PML: variants seen among roughly 807,000 people sequenced by gnomAD.
PML encodes protein PML.
In PML, 28 loss-of-function variants were observed where a neutral mutation model predicts 65.2. The observed-to-expected ratio is 0.43, with a 90% CI of 0.32 to 0.59. The LOEUF is 0.59. Among genes scored for constraint, PML ranks in the 20% least tolerant of loss-of-function variants. The pLI is 0.08. For synonymous variants in PML, 500 were observed against 508.8 expected (o/e 0.98, Z 0.23); for missense variants, 1,021 against 1,203.4 (o/e 0.85, Z 2.24).
rs751936860 is a variant in PML, at chr15:74,032,589, A to T, written c.1272A>T (p.Arg424Ser). The T allele has an allele frequency of 1.6e-5, 26 of 1,614,036 alleles. No homozygotes were observed. The highest frequency in any genetic ancestry group is 2.2e-5 in the Non-Finnish European group (26 of 1,179,990). The change falls in exon 5 of 9, where the codon AGA becomes AGT. Residue 424 changes from arginine (R) to serine (S), a missense_variant. Transcript: ENST00000268058. ...CTTTGCAGCCCGAGGAGGCAGAGAG[A>T]GTGAAGGCCCAGGTTCAGGCCCTGG... ...IDVDLPEEAE[R>S]VKAQVQALGL...
chr15:74,035,966 T>C lies in PML; in HGVS notation c.1710+1436T>C. ...CAGGCCTCTGAGAGTGCTACCCTTC[T>C]CTTGTAACCTTGCAGCCAACACCCC... is the stretch of plus-strand genomic sequence containing the variant. On this transcript the variant is annotated intron_variant, in intron 7 of 8. Transcript: ENST00000268058. The surrounding 1 kb of genome is among the most constrained non-coding windows in gnomAD (Gnocchi z 4.1). 1 of 1,614,016 alleles carries C rather than the reference T, an allele frequency of 6.2e-7. No individual in the cohort carries two copies. The highest frequency in any genetic ancestry group is 8.5e-7 in the Non-Finnish European group (1 of 1,180,016).
At position 74,042,812 on chromosome 15, in the gene PML, C is replaced by G. The variant is rs973549861; in HGVS notation, c.1711-177C>G. 9.1e-6 allele frequency: 9 copies of G among 985,196 alleles called. No homozygotes were observed. Among genetic ancestry groups the G allele is most frequent in the Non-Finnish European group, 1.1e-5 (9 of 829,894 alleles). 61.0% of individuals were successfully genotyped at this position (985,196 alleles called of 1,614,324 possible). A position where few individuals can be genotyped will look rare whatever the true frequency, so the allele number is the denominator to read the frequency against. On this transcript the variant is annotated intron_variant, in intron 7 of 8. Coordinates refer to ENST00000268058, the MANE Select transcript of PML (RefSeq NM_033238.3). This position sits in a 1 kb window ranked among gnomAD's most constrained non-coding sequence, Gnocchi z 5.3. The stretch of plus-strand genomic sequence containing the variant: ...ATGTAACCCTCACATGTGACACACC[C>G]AGTTCACACCCATTCATGCACACAT...
rs186466327 is a variant in PML, at chr15:74,046,286, G to A, written c.*1278G>A. On this transcript the variant is annotated 3_prime_UTR_variant, in exon 9 of 9. Transcript: ENST00000268058. ...ATCAGAGGTCAACAGCAGAACAGAG[G>A]CAGGTCAGGGTTGTCCGCTCTGATT... is the stretch of plus-strand genomic sequence containing the variant. 4.3e-6 allele frequency: 1 copy of A among 233,268 alleles called. No individual in the cohort carries two copies. The highest frequency in any genetic ancestry group is 6.0e-5 in the East Asian group (1 of 16,580). The allele number at this position is 233,268 out of a possible 1,614,324, so 14.4% of individuals were successfully genotyped here. A position where few individuals can be genotyped will look rare whatever the true frequency, so the allele number is the denominator to read the frequency against.
intron 4 of PML, chr15:74,028,275 T>C (rs2071168835): frequency 6.6e-6 from 1 of 152,174 alleles, no homozygotes; most frequent in Admixed American, 6.5e-5. Context: ...CCCTGTTTTA[T>C]TAACGTGGAT....
At position 74,044,212 on chromosome 15, in the gene PML, C is replaced by A; in HGVS notation, c.1862-9C>A. 1 of 1,613,638 alleles carries A rather than the reference C, an allele frequency of 6.2e-7. No homozygotes were observed. Among genetic ancestry groups the A allele is most frequent in the Admixed American group, 1.7e-5 (1 of 60,028 alleles). ...CTGGGTCCTCACCCTGCCCTTCTCT[C>A]CTGCCCAGCCCAGAAGATTAGCCAG... On this transcript the variant is annotated splice_polypyrimidine_tract_variant and intron_variant, in intron 8 of 8. Transcript: ENST00000268058.
At position 74,035,962 on chromosome 15, in the gene PML, C is replaced by T. The variant is rs754251974; in HGVS notation, c.1710+1432C>T. Reference sequence around the variant, plus strand: ...CAAGCAGGCCTCTGAGAGTGCTACCCTTCTCTTGTAACCTTGCAGCCAACA... The same window carrying T: ...CAAGCAGGCCTCTGAGAGTGCTACCTTTCTCTTGTAACCTTGCAGCCAACA... On this transcript the variant is annotated intron_variant, in intron 7 of 8. Transcript: ENST00000268058. This position sits in a 1 kb window ranked among gnomAD's most constrained non-coding sequence, Gnocchi z 4.1. The T allele has an allele frequency of 6.2e-6, 10 of 1,614,138 alleles. 1 individual carries two copies. In the South Asian group the frequency reaches 8.8e-5, roughly 14 times the overall value.
At chr15:73,998,942 C>G (rs2069634346) in intron 2 of PML, among the ~76,000 whole-genome samples, 1 of 152,156 alleles carries the variant, frequency 6.6e-6, no homozygotes, top group African/African-American at 2.4e-5. Context: ...TAACACCAGG[C>G]AGCGCTATCT....
At chr15:74,025,494 G>A (rs778673624) in intron 4 of PML, 30 of 166,276 alleles carry the variant, frequency 1.8e-4, no homozygotes, top group Non-Finnish European at 2.8e-4. Context: ...TTCTGCTGGT[G>A]TGATTCCAGG....
In PML at chr15:74,035,981, GCCAACACC is replaced by G. The variant is rs761216136; in HGVS notation, c.1710+1454_1710+1461del. ...GCTACCCTTCTCTTGTAACCTTGCA[GCCAACACC>G]CCTGCCCGGCCCCTGAGCTGCCTCC... On this transcript the variant is annotated intron_variant, in intron 7 of 8. Transcript: ENST00000268058. This position sits in a 1 kb window ranked among gnomAD's most constrained non-coding sequence, Gnocchi z 4.1. 4.3e-6 allele frequency: 7 copies of G among 1,613,918 alleles called. No homozygotes were observed. The African/African-American group carries it at 9.3e-5, about 22-fold the overall frequency.
chr15:73,998,453 C>T lies in PML; in HGVS notation c.579C>T (p.Asn193=). 1 of 1,614,080 alleles carries T rather than the reference C, an allele frequency of 6.2e-7. No homozygotes were observed. Among genetic ancestry groups the T allele is most frequent in the Non-Finnish European group, 8.5e-7 (1 of 1,180,004 alleles). ...KTNNIFCSNP[N]HRTPTLTSIY... ...ACAACATCTTCTGCTCCAACCCCAA[C>T]CACCGCACCCCTACGCTGACCAGGT... Residue 193 remains asparagine (N), a synonymous_variant, in exon 2 of 9, where the codon AAC becomes AAT. Coordinates refer to ENST00000268058, the MANE Select transcript of PML (RefSeq NM_033238.3).
At chr15:74,022,314 T>A (rs1236642450) in intron 2 of PML, among the ~76,000 whole-genome samples, 1 of 152,214 alleles carries the variant, frequency 6.6e-6, no homozygotes, top group African/African-American at 2.4e-5. Context: ...ATTGTAGATA[T>A]CTAGGTCAAT....
At position 74,035,329 on chromosome 15, in the gene PML, C is replaced by G; in HGVS notation, c.1710+799C>G. On this transcript the variant is annotated intron_variant, in intron 7 of 8. Transcript: ENST00000268058. This position sits in a 1 kb window ranked among gnomAD's most constrained non-coding sequence, Gnocchi z 4.1. The stretch of plus-strand genomic sequence containing the variant: ...GGCACATACCACCCCCCAGCTTGGC[C>G]TCCCCACCAGCCCGCTGAGCAGGCT... The G allele has an allele frequency of 6.2e-7, 1 of 1,612,608 alleles. No homozygotes were observed. The highest frequency in any genetic ancestry group is 8.5e-7 in the Non-Finnish European group (1 of 1,179,956).
At chr15:74,031,601 A>G (rs1486771840) in intron 4 of PML, among the ~76,000 whole-genome samples, 1 of 152,218 alleles carries the variant, frequency 6.6e-6, no homozygotes, top group Non-Finnish European at 1.5e-5. Context: ...CCTTTTGGCT[A>G]TTGTGAGTAG....
At chr15:74,006,875 G>A (rs1273410933) in intron 2 of PML, among the ~76,000 whole-genome samples, 3 of 152,136 alleles carry the variant, frequency 2.0e-5, no homozygotes, top group Non-Finnish European at 4.4e-5. Context: ...GGAGATGCCA[G>A]GCGCCTTTAA....
rs139324287 is a variant in PML at position 74,034,485 on chromosome 15, C to T, written c.1665C>T (p.Arg555=). Residue 555 remains arginine, a synonymous_variant, in exon 7 of 9, where the codon CGC becomes CGT. Transcript: ENST00000268058. ...VASGAGEAEE[R]VVVISSSEDS... ...TCCCCTTCCCCGTTTCAGAGGAACG[C>T]GTTGTGGTGATCAGCAGCTCGGAAG... The T allele has an allele frequency of 9.3e-6, 15 of 1,614,036 alleles. No homozygotes were observed. The African/African-American group carries it at 1.3e-4, about 14-fold the overall frequency.
At position 74,045,228 on chromosome 15, in the gene PML, A is replaced by T; in HGVS notation, c.*220A>T. 1.8e-6 allele frequency: 1 copy of T among 565,326 alleles called. No individual in the cohort carries two copies. Among genetic ancestry groups the T allele is most frequent in the South Asian group, 2.4e-5 (1 of 42,134 alleles). 35.0% of individuals were successfully genotyped at this position (565,326 alleles called of 1,614,324 possible). A position where few individuals can be genotyped will look rare whatever the true frequency, so the allele number is the denominator to read the frequency against. ...GCACCCATCACCCTAGGTGTGCACC[A>T]GACTCCTATTAGCCCCTCCTTCCAG... is the stretch of plus-strand genomic sequence containing the variant. On this transcript the variant is annotated 3_prime_UTR_variant, in exon 9 of 9. Transcript: ENST00000268058.
chr15:74,026,817 A>AT (rs2071099000), intron 4 of PML: 1 of 151,894 alleles, frequency 6.6e-6, no homozygotes, highest in African/African-American at 2.4e-5. Flanking sequence ...CACCCAGCTA[A>AT]TTTTTTGCAT....
In PML at chr15:74,035,234, C is replaced by G. The variant is rs766513520; in HGVS notation, c.1710+704C>G. ...CGCCAGCCCACTCCTCGCCAGCCCA[C>G]TCCTCGCCAGCCCACTCCTCGCCAG... On this transcript the variant is annotated intron_variant, in intron 7 of 8. Coordinates refer to ENST00000268058, the MANE Select transcript of PML (RefSeq NM_033238.3). The surrounding 1 kb of genome is among the most constrained non-coding windows in gnomAD (Gnocchi z 4.1). 3 of 1,598,268 alleles carry G rather than the reference C, an allele frequency of 1.9e-6. No homozygotes were observed. The highest frequency in any genetic ancestry group is 8.6e-7 in the Non-Finnish European group (1 of 1,166,254).
rs763180010 is a variant in PML at position 74,032,576 on chromosome 15, A to C, written c.1259A>C (p.Glu420Ala). Reference sequence around the variant, plus strand: ...TCAATTTTCCCAACTTTGCAGCCCGAGGAGGCAGAGAGAGTGAAGGCCCAG... The same window carrying C: ...TCAATTTTCCCAACTTTGCAGCCCGCGGAGGCAGAGAGAGTGAAGGCCCAG... The part of the protein sequence containing the change: ...PRDPIDVDLP[E>A]EAERVKAQVQ... Residue 420 changes from glutamate to alanine, a missense_variant, in exon 5 of 9, where the codon GAG becomes GCG. Transcript: ENST00000268058. 1 of 1,614,166 alleles carries C rather than the reference A, an allele frequency of 6.2e-7. No individual in the cohort carries two copies. The highest frequency in any genetic ancestry group is 1.1e-5 in the South Asian group (1 of 91,084).
Sources: allele counts gnomAD v4.1 joint callset (sites outside exome capture counted in the v4.1 genomes callset), GRCh38; gene constraint gnomAD v4.1.1; non-coding constraint Gnocchi (gnomAD v3.1); transcripts MANE v1.5; gene names NCBI Gene and HGNC (gene_info 2026-07-23, HGNC 2026-07-21).